EYS: variants seen among roughly 807,000 people sequenced by gnomAD.
EYS encodes protein eyes shut homolog.
EYS carries 250 observed loss-of-function variants against 282.1 expected under a neutral mutation model. That is an observed-to-expected ratio of 0.89 (90% CI 0.80 to 0.98). EYS has a LOEUF of 0.98. Among genes scored for constraint, EYS ranks in the 50% least tolerant of loss-of-function variants. The pLI is 0.00. For synonymous variants in EYS, 1,355 were observed against 1,282.9 expected (o/e 1.06, Z -1.20); for missense variants, 4,016 against 3,709.0 (o/e 1.08, Z -2.15).
chr6:64,874,361 C>T (rs1244690602), intron 19 of EYS, among the ~76,000 whole-genome samples: 1 of 152,076 alleles, frequency 6.6e-6, no homozygotes, highest in South Asian at 2.1e-4. Flanking sequence ...TCCCTTTCTA[C>T]TCAATTAGTG....
At chr6:63,820,745 T>C (rs1440604677) in intron 36 of EYS, among the ~76,000 whole-genome samples, 1 of 152,204 alleles carries the variant, frequency 6.6e-6, no homozygotes, top group Non-Finnish European at 1.5e-5. Context: ...AATTGTACTC[T>C]CATATATGCT....
At chr6:65,375,398 G>C (rs1295208935) in intron 8 of EYS, among the ~76,000 whole-genome samples, 1 of 152,052 alleles carries the variant, frequency 6.6e-6, no homozygotes, top group Non-Finnish European at 1.5e-5. Flanking sequence ...CAGCCTCAAA[G>C]GTCAAAGGTA....
Position 65,639,909 on chromosome 6 carries a change from A to G in EYS, c.-447-17T>C, listed in dbSNP as rs185654083. On this transcript the variant is annotated splice_polypyrimidine_tract_variant and intron_variant, in intron 1 of 42. Transcript: ENST00000503581. ...GGCACAAAGCTGGAAAAAAAGAAAT[A>G]AGAAAAATTATTTTATCTTTCAGTT... 6.6e-5 allele frequency: 10 copies of G among 152,260 alleles called. No individual in the cohort carries two copies. Among genetic ancestry groups the G allele is most frequent in the Admixed American group, 2.6e-4 (4 of 15,294 alleles). The allele number at this position is 152,260 out of a possible 1,614,324, so 9.4% of individuals were successfully genotyped here.
At chr6:65,381,907 A>G (rs1765626395) in intron 8 of EYS, among the ~76,000 whole-genome samples, 1 of 152,138 alleles carries the variant, frequency 6.6e-6, no homozygotes, top group African/African-American at 2.4e-5. Flanking sequence ...TCTGTTTTAC[A>G]TAAAAGTAAG....
At chr6:65,545,116 G>A (rs912755962) in intron 2 of EYS, among the ~76,000 whole-genome samples, 15 of 152,082 alleles carry the variant, frequency 9.9e-5, no homozygotes, top group African/African-American at 3.6e-4. Context: ...ACATTCATTA[G>A]TTTAAAGAAA....
chr6:65,512,798 A>T (rs1202329798), intron 2 of EYS, among the ~76,000 whole-genome samples: 2 of 152,156 alleles, frequency 1.3e-5, no homozygotes, highest in African/African-American at 2.4e-5. Flanking sequence ...CAGTGTGTAG[A>T]GGGAAATTTA....
At chr6:64,365,892 G>A (rs1772165665) in intron 29 of EYS, among the ~76,000 whole-genome samples, 1 of 151,968 alleles carries the variant, frequency 6.6e-6, no homozygotes, top group Admixed American at 6.6e-5. Context: ...TGAAACTGCA[G>A]AAAAGGAAGG....
chr6:64,722,028 C>T (rs1267812168), intron 22 of EYS, among the ~76,000 whole-genome samples: 1 of 152,018 alleles, frequency 6.6e-6, no homozygotes, highest in African/African-American at 2.4e-5. Flanking sequence ...TAGAGAGAAG[C>T]TGAAGTGTTG....
intron 1 of EYS, among the ~76,000 whole-genome samples, chr6:65,688,113 C>T (rs1311488989): frequency 6.6e-6 from 1 of 152,020 alleles, no homozygotes; most frequent in African/African-American, 2.4e-5. Flanking sequence ...AAAAATGAGC[C>T]CACATTGCCA....
chr6:65,007,260 G>A (rs1385715368), intron 13 of EYS, among the ~76,000 whole-genome samples: 2 of 152,158 alleles, frequency 1.3e-5, no homozygotes, highest in Non-Finnish European at 2.9e-5. Flanking sequence ...ATGACTAGGG[G>A]TGCTGGCATC....
intron 31 of EYS, among the ~76,000 whole-genome samples, chr6:64,166,857 G>A (rs1001793382): frequency 6.6e-6 from 1 of 152,120 alleles, no homozygotes; most frequent in African/African-American, 2.4e-5. Context: ...AGATCTCATA[G>A]TTGTACAATA....
chr6:64,013,940 T>C (rs1768764771), intron 33 of EYS, among the ~76,000 whole-genome samples: 1 of 152,176 alleles, frequency 6.6e-6, no homozygotes, highest in African/African-American at 2.4e-5. Context: ...ATGTTCAGTT[T>C]ACAAATACGA....
chr6:64,450,404 T>G (rs910251169), intron 26 of EYS, among the ~76,000 whole-genome samples: 8 of 152,064 alleles, frequency 5.3e-5, no homozygotes, highest in Non-Finnish European at 7.4e-5. Flanking sequence ...CACACAATAA[T>G]AATGGGAGAC....
At chr6:64,555,230 G>C (rs1164569673) in intron 26 of EYS, among the ~76,000 whole-genome samples, 1 of 151,768 alleles carries the variant, frequency 6.6e-6, no homozygotes, top group Non-Finnish European at 1.5e-5. Context: ...CAACATGGAT[G>C]AACCTGGAGG....
chr6:64,601,655 G>T (rs1766764547), intron 24 of EYS, among the ~76,000 whole-genome samples: 1 of 151,950 alleles, frequency 6.6e-6, no homozygotes, highest in African/African-American at 2.4e-5. Context: ...CCTCCTTCTA[G>T]ATCTTTCTTT....
At chr6:64,884,869 C>G (rs1310052944) in intron 19 of EYS, among the ~76,000 whole-genome samples, 1 of 151,518 alleles carries the variant, frequency 6.6e-6, no homozygotes, top group Non-Finnish European at 1.5e-5. Context: ...TCCACTGAAC[C>G]TAAAAATGGA....
At chr6:65,064,815 G>A (rs1203292526) in intron 12 of EYS, among the ~76,000 whole-genome samples, 1 of 152,122 alleles carries the variant, frequency 6.6e-6, no homozygotes, top group Non-Finnish European at 1.5e-5. Flanking sequence ...AAACGTTATA[G>A]ATCTCTGGAG....
intron 31 of EYS, among the ~76,000 whole-genome samples, chr6:64,167,213 A>G (rs937096001): frequency 2.6e-5 from 4 of 152,344 alleles, no homozygotes; most frequent in South Asian, 2.1e-4. Context: ...AATGATTACC[A>G]TATATTTATT....
intron 29 of EYS, among the ~76,000 whole-genome samples, chr6:64,346,341 T>G (rs891561369): frequency 2.0e-5 from 3 of 151,770 alleles, no homozygotes; most frequent in African/African-American, 4.8e-5. Flanking sequence ...AGAAAATGTG[T>G]CACATACACA....
Sources: gnomAD v4.1 joint callset for allele counts (sites outside exome capture counted in the v4.1 genomes callset) on GRCh38, gnomAD v4.1.1 for gene constraint, MANE v1.5 for transcripts, NCBI Gene and HGNC (gene_info 2026-07-23, HGNC 2026-07-21) for gene names.